WDR19: variants seen among roughly 807,000 people sequenced by gnomAD.
WDR19 encodes the protein WD repeat domain 19.
Under a neutral mutation model 180.0 loss-of-function variants are expected in WDR19, and 121 were observed. The observed-to-expected ratio is 0.67, with a 90% CI of 0.58 to 0.78. WDR19 has a LOEUF of 0.78. Among genes scored for constraint, WDR19 ranks in the 30% least tolerant of loss-of-function variants. The pLI is 0.00. For missense variants in WDR19, 1,450 were observed against 1,640.7 expected, an observed-to-expected ratio of 0.88 and a Z score of 2.01; for synonymous variants, 497 against 540.7, an observed-to-expected ratio of 0.92 and a Z score of 1.12.
At chr4:39,213,555 C>T (rs1388579598) in intron 9 of WDR19, among the ~76,000 whole-genome samples, 1 of 152,098 alleles carries the variant, frequency 6.6e-6, no homozygotes, top group Non-Finnish European at 1.5e-5. Flanking sequence ...ATTAGTGATT[C>T]CCAGAGGTTA....
chr4:39,265,740 C>G (rs1223139947), intron 28 of WDR19, among the ~76,000 whole-genome samples: 1 of 145,566 alleles, frequency 6.9e-6, no homozygotes, highest in African/African-American at 2.5e-5. Context: ...CCACTGCACT[C>G]CAGCCTGGTG....
At chr4:39,274,554 C>T (rs574372779) in intron 32 of WDR19, 8 of 431,762 alleles carry the variant, frequency 1.9e-5, no homozygotes, top group South Asian at 1.4e-4. Flanking sequence ...GGAAGTGTTG[C>T]CTCAAGGGGT....
chr4:39,190,468 T>C (rs1726035965), intron 4 of WDR19, among the ~76,000 whole-genome samples: 1 of 152,248 alleles, frequency 6.6e-6, no homozygotes, highest in Non-Finnish European at 1.5e-5. Flanking sequence ...CTTTGCCATT[T>C]TGACCTTGGA....
chr4:39,218,221 T>G, intron 14 of WDR19, 116 bp downstream of exon 14: 2 of 1,239,014 alleles, frequency 1.6e-6, no homozygotes, highest in Admixed American at 4.6e-5. Flanking sequence ...ATACAATTAA[T>G]GAAGTTATCT....
intron 9 of WDR19, among the ~76,000 whole-genome samples, chr4:39,209,972 A>G (rs1035055159): frequency 7.9e-5 from 12 of 152,290 alleles, no homozygotes; most frequent in African/African-American, 2.9e-4. Flanking sequence ...AACTCAACCC[A>G]AATGAAAACA....
At chr4:39,221,456 A>G (rs1729694052) in intron 14 of WDR19, among the ~76,000 whole-genome samples, 1 of 152,252 alleles carries the variant, frequency 6.6e-6, no homozygotes, top group African/African-American at 2.4e-5. Context: ...TTCAGAAAAT[A>G]TCATGTTTTT....
In WDR19 at chr4:39,270,095, G is replaced by A. The variant is rs1355839194; in HGVS notation, c.3478G>A (p.Val1160Ile). 1 of 1,613,680 alleles carries A rather than the reference G, an allele frequency of 6.2e-7. No individual in the cohort carries two copies. The highest frequency in any genetic ancestry group is 8.5e-7 in the Non-Finnish European group (1 of 1,179,756). ...CATGATTCTGCACAGCTATATACTA[G>A]TAAAGGTGAGGCCCATGGAGTGACT... The part of the protein sequence containing the change: ...NLMILHSYIL[V>I]KIHVKNGDHM... Residue 1160 changes from valine to isoleucine, a missense_variant, in exon 31 of 37, where the codon GTA (valine) becomes ATA (isoleucine). Coordinates refer to ENST00000399820, the MANE Select transcript of WDR19 (RefSeq NM_025132.4).
rs937600400 is a variant in WDR19, at chr4:39,277,953, C to T, written c.3841-178C>T. ...CCTGTAGTCCCAGGTGCTCAGGAGT[C>T]TGAGGCAGAAGAATCGCTTGAACCC... On this transcript the variant is annotated intron_variant, in intron 34 of 36. Transcript: ENST00000399820. Among the ~76,000 whole-genome samples, 3 of 151,788 alleles carry T rather than the reference C, an allele frequency of 2.0e-5. 1 individual carries two copies. The highest frequency in any genetic ancestry group is 2.0e-4 in the Admixed American group (3 of 15,220).
At chr4:39,264,581 G>A (rs557281015) in intron 28 of WDR19, among the ~76,000 whole-genome samples, 12 of 152,304 alleles carry the variant, frequency 7.9e-5, no homozygotes, top group African/African-American at 2.9e-4. Context: ...CTGAGGTGTA[G>A]CAAGCAAGGC....
chr4:39,248,904 G>A (rs1732822389), intron 24 of WDR19, among the ~76,000 whole-genome samples: 1 of 152,068 alleles, frequency 6.6e-6, no homozygotes, highest in Non-Finnish European at 1.5e-5. Flanking sequence ...CAATAATAAT[G>A]GGAGACTTTA....
chr4:39,205,343 T>C, intron 8 of WDR19, 77 bp downstream of exon 8: 1 of 1,359,734 alleles, frequency 7.4e-7, no homozygotes, highest in Admixed American at 2.2e-5. Context: ...ACTAATTGTA[T>C]TCAATTTTTG....
intron 19 of WDR19, 56 bp downstream of exon 19, chr4:39,232,328 G>A: frequency 1.4e-6 from 2 of 1,444,376 alleles, no homozygotes; most frequent in South Asian, 1.3e-5. Context: ...GGGGAAATGG[G>A]GGAAAAAAAA....
chr4:39,253,244 A>C lies in WDR19; in HGVS notation c.2828A>C (p.Asn943Thr), dbSNP rs778487491. Residue 943 changes from asparagine to threonine, a missense_variant, in exon 25 of 37, where the codon AAT (asparagine) becomes ACT (threonine). Asn to Thr is a moderately conservative substitution (Grantham distance 65). Transcript: ENST00000399820. ...DHLNNPEKAVNIVRETQSLDG... is the reference protein window; with the variant it reads ...DHLNNPEKAVTIVRETQSLDG... ...CTCAATAATCCTGAAAAAGCTGTCA[A>C]TATTGTTAGAGAGACCCAGTCTCTG... 3.1e-6 allele frequency: 5 copies of C among 1,613,608 alleles called. No individual in the cohort carries two copies. The highest frequency in any genetic ancestry group is 1.7e-6 in the Non-Finnish European group (2 of 1,179,730).
At chr4:39,185,882 T>A in intron 2 of WDR19, 65 bp downstream of exon 2, 1 of 1,307,806 alleles carries the variant, frequency 7.6e-7, no homozygotes, top group Non-Finnish European at 1.0e-6. Flanking sequence ...ATCTACTCAG[T>A]AGAAGTTTTT....
chr4:39,221,461 GT>G lies in WDR19; in HGVS notation c.1479+3362del, dbSNP rs1218923644. ...TCTTGAGTGATTCAGAAAATATCAT[GT>G]TTTTTGGCAGCTTTATTGAAGTTTA... is the stretch of plus-strand genomic sequence containing the variant. On this transcript the variant is annotated intron_variant, in intron 14 of 36. Transcript: ENST00000399820. Among the ~76,000 whole-genome samples the G allele has an allele frequency of 5.3e-5, 8 of 152,182 alleles. No homozygotes were observed. The South Asian group carries it at 1.7e-3, about 31-fold the overall frequency.
chr4:39,275,246 A>G (rs529991577), intron 33 of WDR19: 64 of 373,872 alleles, frequency 1.7e-4, no homozygotes, highest in African/African-American at 1.2e-3. Flanking sequence ...AGGCTGGGGC[A>G]GGAGAATTGC....
intron 7 of WDR19, among the ~76,000 whole-genome samples, chr4:39,204,172 AC>A (rs1158431230): frequency 1.3e-5 from 2 of 150,642 alleles, no homozygotes; most frequent in Non-Finnish European, 3.0e-5. Flanking sequence ...CGCAACCTCC[AC>A]CTCCTAGGTT....
At chr4:39,245,668 T>C (rs1732447812) in intron 24 of WDR19, among the ~76,000 whole-genome samples, 1 of 152,220 alleles carries the variant, frequency 6.6e-6, no homozygotes, top group South Asian at 2.1e-4. Flanking sequence ...TAGACTATTA[T>C]CTCTTTTTAT....
rs553658165 is a variant in WDR19, at chr4:39,191,414, T to C, written c.290+1633T>C. On this transcript the variant is annotated intron_variant, in intron 4 of 36. Coordinates refer to ENST00000399820, the MANE Select transcript of WDR19 (RefSeq NM_025132.4). The stretch of plus-strand genomic sequence containing the variant: ...TAAAATTTATCTGAAGTGAGTCTTT[T>C]GAGCACTTCAAACACCTGAAATAGT... Among the ~76,000 whole-genome samples, 14 of 152,364 alleles carry C rather than the reference T, an allele frequency of 9.2e-5. No individual in the cohort carries two copies. In the East Asian group the frequency reaches 2.7e-3, roughly 29 times the overall value.
Sources: allele counts gnomAD v4.1 joint callset (sites outside exome capture counted in the v4.1 genomes callset), GRCh38; gene constraint gnomAD v4.1.1; transcripts MANE v1.5; gene names NCBI Gene and HGNC (gene_info 2026-07-23, HGNC 2026-07-21).